The following CD36 variants were observed in gnomAD, a reference collection of about 807,000 sequenced individuals.
The protein encoded by CD36 is platelet glycoprotein 4.
A neutral mutation model predicts 55.2 loss-of-function variants in CD36; 119 were observed. The observed-to-expected ratio is 2.15, with a 90% CI of 1.86 to 2.51. The LOEUF (loss-of-function observed/expected upper bound fraction) is 2.51. CD36 is among the 30% of genes most tolerant of loss of function. The pLI, the probability that CD36 is intolerant of heterozygous loss-of-function variation, is 0.00. For missense variants in CD36, 819 were observed against 555.5 expected, an observed-to-expected ratio of 1.47 and a Z score of -4.77; for synonymous variants, 186 against 193.6, an observed-to-expected ratio of 0.96 and a Z score of 0.33.
intron 1 of CD36, among the ~76,000 whole-genome samples, chr7:80,630,707 G>C (rs4626520): frequency 2.0e-5 from 3 of 151,590 alleles, no homozygotes; most frequent in Non-Finnish European, 4.4e-5. Context: ...TTTCCCGGAG[G>C]GGTTGTTGAA....
At chr7:80,656,728 ACT>A (rs1562802279) in intron 4 of CD36, 28 bp downstream of exon 4, 1 of 1,594,382 alleles carries the variant, frequency 6.3e-7, no homozygotes, top group Admixed American at 1.7e-5. Context: ...AATATGAGAC[ACT>A]CTTACCTTGA....
At chr7:80,618,655 C>T (rs1793299345) in intron 1 of CD36, among the ~76,000 whole-genome samples, 1 of 152,160 alleles carries the variant, frequency 6.6e-6, no homozygotes, top group Non-Finnish European at 1.5e-5. Flanking sequence ...TAGATTAAAT[C>T]AGCTACAATA....
At chr7:80,652,065 A>C (rs1433476776) in intron 3 of CD36, among the ~76,000 whole-genome samples, 1 of 151,932 alleles carries the variant, frequency 6.6e-6, no homozygotes, top group Non-Finnish European at 1.5e-5. Flanking sequence ...AATGACTAAA[A>C]ATATTAAAGA....
At chr7:80,617,391 AAT>A (rs1456417312) in intron 1 of CD36, among the ~76,000 whole-genome samples, 7 of 152,130 alleles carry the variant, frequency 4.6e-5, no homozygotes, top group African/African-American at 1.4e-4. Flanking sequence ...TTAAAAAAAA[AAT>A]AAAATATATG....
chr7:80,610,117 G>T (rs528428744), intron 1 of CD36, among the ~76,000 whole-genome samples: 1 of 152,310 alleles, frequency 6.6e-6, no homozygotes, highest in Admixed American at 6.5e-5. Context: ...TTTAACAGCT[G>T]ATTAAATGAG....
chr7:80,615,875 G>A (rs1793122342), intron 1 of CD36, among the ~76,000 whole-genome samples: 1 of 152,044 alleles, frequency 6.6e-6, no homozygotes. Context: ...GTTTCAGATT[G>A]GTTAATTTTA....
intron 1 of CD36, among the ~76,000 whole-genome samples, chr7:80,644,066 A>G (rs1010071889): frequency 6.6e-6 from 1 of 152,194 alleles, no homozygotes; most frequent in Non-Finnish European, 1.5e-5. Context: ...AGATGGTTTC[A>G]AGAAAAGTTT....
At chr7:80,610,719 C>T (rs908051272) in intron 1 of CD36, among the ~76,000 whole-genome samples, 4 of 151,920 alleles carry the variant, frequency 2.6e-5, no homozygotes, top group African/African-American at 9.7e-5. Context: ...GGACTACAGG[C>T]GCCCGCCACC....
upstream of CD36, among the ~76,000 whole-genome samples, chr7:80,637,643 C>T (rs568103056): frequency 1.3e-5 from 2 of 151,594 alleles, no homozygotes; most frequent in Admixed American, 1.3e-4. Flanking sequence ...CCAAAAAGGA[C>T]AGCACGAGCA....
At chr7:80,667,754 T>TTTG (rs1554344796) in intron 8 of CD36, among the ~76,000 whole-genome samples, 1 of 128,726 alleles carries the variant, frequency 7.8e-6, no homozygotes, top group African/African-American at 2.9e-5. Context: ...TTTGTTTTTT[T>TTTG]TTTTTTTTTT....
chr7:80,660,946 A>C, intron 4 of CD36, 117 bp from the exon 5 acceptor site: 1 of 799,972 alleles, frequency 1.3e-6, no homozygotes, highest in South Asian at 1.4e-5. Flanking sequence ...TTGCTTACAT[A>C]CTATCTATCT....
intron 1 of CD36, among the ~76,000 whole-genome samples, chr7:80,631,608 G>A (rs940630799): frequency 2.0e-5 from 3 of 151,332 alleles, no homozygotes; most frequent in African/African-American, 7.3e-5. Context: ...GACACATACA[G>A]GACAGTTGAA....
intron 3 of CD36, among the ~76,000 whole-genome samples, chr7:80,649,115 TCTTA>T (rs1400006974): frequency 6.6e-6 from 1 of 152,164 alleles, no homozygotes; most frequent in Non-Finnish European, 1.5e-5. Context: ...AACATTTAAT[TCTTA>T]CTAAGAGTTT....
intron 1 of CD36, among the ~76,000 whole-genome samples, chr7:80,606,517 C>T (rs887250293): frequency 6.6e-6 from 1 of 152,156 alleles, no homozygotes; most frequent in African/African-American, 2.4e-5. Flanking sequence ...TTCATTTCAC[C>T]TAATGCCTCT....
chr7:80,669,694 A>G (rs1001010141), intron 8 of CD36, among the ~76,000 whole-genome samples: 3 of 151,992 alleles, frequency 2.0e-5, no homozygotes, highest in African/African-American at 7.3e-5. Context: ...ATGGGGTTTC[A>G]CCATGTAGGC....
chr7:80,635,020 A>G (rs1252801868), upstream of CD36, among the ~76,000 whole-genome samples: 2 of 152,040 alleles, frequency 1.3e-5, no homozygotes, highest in East Asian at 3.9e-4. Flanking sequence ...CAATTTATGG[A>G]AAAAAAGGTG....
chr7:80,671,825 A>C (rs1584463838), intron 10 of CD36, 97 bp from the exon 11 acceptor site: 2 of 1,090,658 alleles, frequency 1.8e-6, no homozygotes, highest in Non-Finnish European at 2.8e-6. Context: ...TGTATTTTTT[A>C]ATGCAAGAAG....
At position 80,671,970 on chromosome 7, in the gene CD36, A is replaced by ATGTTTCAGAACCTAT. The variant is rs1797718956; in HGVS notation, c.1058_1072dup (p.Val353_Ile357dup). 6.2e-7 allele frequency: 1 copy of ATGTTTCAGAACCTAT among 1,610,222 alleles called. No homozygotes were observed. Among genetic ancestry groups the ATGTTTCAGAACCTAT allele is most frequent in the African/African-American group, 1.3e-5 (1 of 74,836 alleles). On this transcript the variant is annotated inframe_insertion, in exon 11 of 15. Transcript: ENST00000447544. ...CCTCATTTTCTGTATGCAAGTCCTGATGTTTCAGAACCTATTGATGGATTA... is the reference window on the plus strand; with the variant it reads ...CCTCATTTTCTGTATGCAAGTCCTGATGTTTCAGAACCTATTGTTTCAGAACCTATTGATGGATTA...
chr7:80,633,249 A>G (rs2116141577), intron 1 of CD36: 1 of 152,174 alleles, frequency 6.6e-6, no homozygotes, highest in South Asian at 2.1e-4. Flanking sequence ...CAACATTTTT[A>G]GATGGCCTGT....
Sources: gnomAD v4.1 joint callset for allele counts (sites outside exome capture counted in the v4.1 genomes callset) on GRCh38, gnomAD v4.1.1 for gene constraint, MANE v1.5 for transcripts, NCBI Gene and HGNC (gene_info 2026-07-23, HGNC 2026-07-21) for gene names.